The following YES1 variants were observed in gnomAD, a reference collection of about 807,000 sequenced individuals.
YES1 encodes the protein tyrosine-protein kinase Yes.
YES1 carries 39 observed loss-of-function variants against 70.4 expected under a neutral mutation model. The observed-to-expected ratio is 0.55, with a 90% CI of 0.43 to 0.72. The LOEUF is 0.72. YES1 is among the 30% of genes least tolerant of loss of function. The pLI is 0.00. For synonymous variants in YES1, 198 were observed against 218.6 expected (o/e 0.91, Z 0.83); for missense variants, 495 against 644.8 (o/e 0.77, Z 2.52).
intron 2 of YES1, among the ~76,000 whole-genome samples, chr18:755,764 A>C (rs1447530854): frequency 6.6e-6 from 1 of 152,164 alleles, no homozygotes; most frequent in Non-Finnish European, 1.5e-5. Flanking sequence ...TGAGTCCTTG[A>C]TGACACCATG....
chr18:757,451 A>C lies in YES1; in HGVS notation c.-8-616T>G, dbSNP rs376671687. Among the ~76,000 whole-genome samples, 378 of 148,848 alleles carry C rather than the reference A, an allele frequency of 2.5e-3. 1 individual carries two copies. The highest frequency in any genetic ancestry group is 0.01 in the Middle Eastern group (3 of 286). On this transcript the variant is annotated intron_variant, in intron 1 of 11. Coordinates refer to ENST00000314574, the MANE Select transcript of YES1 (RefSeq NM_005433.4). ...CCGGGAGGCGGAGCTTGCAGTGAGC[A>C]GAGATCGCGCCACTGCACTCCAGCC...
chr18:745,669 T>C (rs2080271275), intron 6 of YES1, 39 bp downstream of exon 6: 2 of 1,557,702 alleles, frequency 1.3e-6, no homozygotes, highest in Non-Finnish European at 1.7e-6. Context: ...TAAACTAGAA[T>C]ATGAAGAAAT....
chr18:730,595 TG>T (rs1188339762), intron 11 of YES1, among the ~76,000 whole-genome samples: 1 of 152,198 alleles, frequency 6.6e-6, no homozygotes, highest in Non-Finnish European at 1.5e-5. Context: ...CTAGGATCTC[TG>T]CCTCATTTGC....
intron 6 of YES1, among the ~76,000 whole-genome samples, chr18:744,025 GAT>G (rs1183649307): frequency 6.7e-6 from 1 of 148,932 alleles, no homozygotes; most frequent in Non-Finnish European, 1.5e-5. Context: ...ATATATAGTA[GAT>G]ATGTTAGTAT....
chr18:747,757 T>C (rs771802200), intron 4 of YES1, among the ~76,000 whole-genome samples, 163 bp downstream of exon 4: 1 of 152,214 alleles, frequency 6.6e-6, no homozygotes, highest in East Asian at 1.9e-4. Flanking sequence ...GTGAATAGTA[T>C]GACATTAGTT....
chr18:765,930 T>G (rs1187628263), intron 1 of YES1, among the ~76,000 whole-genome samples: 2 of 152,206 alleles, frequency 1.3e-5, no homozygotes, highest in Non-Finnish European at 2.9e-5. Flanking sequence ...AAGTGAGCCA[T>G]GAAATGAGGT....
chr18:764,943 C>T (rs1245070163), intron 1 of YES1, among the ~76,000 whole-genome samples: 1 of 151,340 alleles, frequency 6.6e-6, no homozygotes, highest in Non-Finnish European at 1.5e-5. Context: ...ACTATGTTGG[C>T]CAGACTAGTC....
chr18:787,162 C>T (rs955502647), intron 1 of YES1, among the ~76,000 whole-genome samples: 2 of 118,736 alleles, frequency 1.7e-5, no homozygotes, highest in Admixed American at 1.2e-4. Context: ...TGCAGTGGCA[C>T]AATCTCAGCT....
intron 10 of YES1, among the ~76,000 whole-genome samples, chr18:735,319 G>A (rs145916337): frequency 2.6e-3 from 393 of 152,196 alleles, no homozygotes; most frequent in Middle Eastern, 0.02. Flanking sequence ...CTACTCAGCC[G>A]TAAAAAGGAA....
At chr18:752,407 G>T (rs1335399852) in intron 2 of YES1, among the ~76,000 whole-genome samples, 3 of 152,052 alleles carry the variant, frequency 2.0e-5, no homozygotes, top group Non-Finnish European at 4.4e-5. Flanking sequence ...ACTGTGCCCA[G>T]CCAACAAATT....
intron 11 of YES1, among the ~76,000 whole-genome samples, chr18:729,033 C>T (rs1198840769): frequency 6.6e-6 from 1 of 152,100 alleles, no homozygotes; most frequent in Non-Finnish European, 1.5e-5. Context: ...AATGTTGTTA[C>T]TGTTTCATTT....
At chr18:788,746 C>A (rs1487827651) in intron 1 of YES1, among the ~76,000 whole-genome samples, 1 of 151,996 alleles carries the variant, frequency 6.6e-6, no homozygotes, top group Non-Finnish European at 1.5e-5. Context: ...TTGGTGAAAC[C>A]CTGTCTCTAC....
intron 6 of YES1, among the ~76,000 whole-genome samples, chr18:744,764 C>T (rs1192948783): frequency 7.2e-6 from 1 of 139,716 alleles, no homozygotes; most frequent in African/African-American, 2.7e-5. Context: ...GAACTCCTGG[C>T]CTCAAGTGAT....
chr18:737,228 G>A, intron 9 of YES1: 1 of 271,202 alleles, frequency 3.7e-6, no homozygotes. Flanking sequence ...CGAGGCAGGT[G>A]GATCATTTGA....
At chr18:767,885 G>T (rs1053445754) in intron 1 of YES1, among the ~76,000 whole-genome samples, 2 of 152,046 alleles carry the variant, frequency 1.3e-5, no homozygotes, top group African/African-American at 4.8e-5. Context: ...ATTTTTAGTA[G>T]AGATGGGGTT....
chr18:739,347 A>G (rs982333787), intron 9 of YES1: 1 of 157,124 alleles, frequency 6.4e-6, no homozygotes, highest in African/African-American at 2.4e-5. Flanking sequence ...GGTAATCCCA[A>G]TACTTTGGGA....
Position 787,080 on chromosome 18 carries a change from CTTTTTTTTTTTTTTTTTTTT to C in YES1, c.-9+25014_-9+25033del, listed in dbSNP as rs71174290. ...TTTAAAAAACTGTGATACATACTGT[CTTTTTTTTTTTTTTTTTTTT>C]TTTTTTTTTTTTTTGAGACAGAGTC... is the stretch of plus-strand genomic sequence containing the variant. On this transcript the variant is annotated intron_variant, in intron 1 of 11. Transcript: ENST00000314574. Among the ~76,000 whole-genome samples the C allele has an allele frequency of 5.1e-3, 179 of 34,768 alleles. 2 individuals carry two copies. The highest frequency in any genetic ancestry group is 0.018 in the African/African-American group (158 of 8,814). 22.8% of individuals were successfully genotyped at this position (34,768 alleles called of 152,430 possible).
intron 1 of YES1, among the ~76,000 whole-genome samples, chr18:793,232 G>C (rs1168792512): frequency 6.6e-6 from 1 of 151,882 alleles, no homozygotes; most frequent in Non-Finnish European, 1.5e-5. Context: ...GTAGAGACAG[G>C]GTTTCACCAT....
intron 2 of YES1, among the ~76,000 whole-genome samples, chr18:752,264 C>T (rs1328775415): frequency 1.3e-5 from 2 of 152,190 alleles, no homozygotes; most frequent in African/African-American, 4.8e-5. Context: ...TGTGCCGCCA[C>T]ACCTAGTTAA....
Sources: gnomAD v4.1 joint callset for allele counts (sites outside exome capture counted in the v4.1 genomes callset) on GRCh38, gnomAD v4.1.1 for gene constraint, MANE v1.5 for transcripts, NCBI Gene and HGNC (gene_info 2026-07-23, HGNC 2026-07-21) for gene names.